The following KCNQ5 variants were observed in gnomAD, a reference collection of about 807,000 sequenced individuals.
KCNQ5 encodes the protein potassium voltage-gated channel subfamily KQT member 5.
A neutral mutation model predicts 98.2 loss-of-function variants in KCNQ5; 30 were observed. That is an observed-to-expected ratio of 0.31 (90% CI 0.23 to 0.41). The LOEUF (loss-of-function observed/expected upper bound fraction) is 0.41, where lower values mean the gene tolerates loss of function less well. Ranked by LOEUF, KCNQ5 falls within the 10% of genes least tolerant of loss-of-function variation. The probability of loss-of-function intolerance (pLI) is 1.00; values close to 1 mark genes in which losing one functional copy is unlikely to be tolerated. For synonymous variants in KCNQ5, 458 were observed against 449.4 expected (o/e 1.02, Z -0.24); for missense variants, 835 against 1,182.5 (o/e 0.71, Z 4.31).
chr6:72,955,038 T>G (rs1369299043), intron 1 of KCNQ5, among the ~76,000 whole-genome samples: 1 of 152,242 alleles, frequency 6.6e-6, no homozygotes, highest in Non-Finnish European at 1.5e-5. Context: ...AGAAGTCTCT[T>G]GGCAGAGTTC....
intron 3 of KCNQ5, among the ~76,000 whole-genome samples, chr6:73,063,156 G>T (rs1772857071): frequency 6.6e-6 from 1 of 152,144 alleles, no homozygotes; most frequent in Non-Finnish European, 1.5e-5. Context: ...AGATTCCTAA[G>T]TTGTAGTATC....
intron 1 of KCNQ5, among the ~76,000 whole-genome samples, chr6:72,851,290 G>C (rs1777244309): frequency 6.6e-6 from 1 of 152,102 alleles, no homozygotes; most frequent in South Asian, 2.1e-4. Context: ...GAAATTATTA[G>C]TTCAACGACA....
chr6:72,716,774 G>A (rs544083644), intron 1 of KCNQ5, among the ~76,000 whole-genome samples: 7 of 152,294 alleles, frequency 4.6e-5, no homozygotes, highest in Admixed American at 4.6e-4. Flanking sequence ...AGAAGATTGT[G>A]TTTTCACAAA....
At chr6:72,672,804 A>G (rs930480953) in intron 1 of KCNQ5, among the ~76,000 whole-genome samples, 1 of 152,350 alleles carries the variant, frequency 6.6e-6, no homozygotes, top group East Asian at 1.9e-4. Context: ...CTTTCATTTC[A>G]TAACTAAAGA....
intron 1 of KCNQ5, among the ~76,000 whole-genome samples, chr6:72,633,193 A>AT (rs1412866515): frequency 2.6e-5 from 4 of 152,070 alleles, no homozygotes; most frequent in Middle Eastern, 3.4e-3. Flanking sequence ...GATGATGAGC[A>AT]TTTTTTCATA....
intron 1 of KCNQ5, among the ~76,000 whole-genome samples, chr6:72,921,977 G>A (rs1780420176): frequency 6.6e-6 from 1 of 152,166 alleles, no homozygotes; most frequent in South Asian, 2.1e-4. Context: ...GTTAATGAAT[G>A]TTCCTCCAAA....
At chr6:72,794,088 C>T (rs1290708002) in intron 1 of KCNQ5, among the ~76,000 whole-genome samples, 1 of 152,130 alleles carries the variant, frequency 6.6e-6, no homozygotes, top group African/African-American at 2.4e-5. Context: ...TCATAAAATT[C>T]GAAGAAAATC....
At chr6:72,976,062 C>T (rs1011819867) in intron 1 of KCNQ5, among the ~76,000 whole-genome samples, 3 of 152,082 alleles carry the variant, frequency 2.0e-5, no homozygotes, top group Non-Finnish European at 2.9e-5. Flanking sequence ...TGCTGCATGA[C>T]CCAAGGTTAA....
intron 1 of KCNQ5, among the ~76,000 whole-genome samples, chr6:72,743,789 A>G (rs1771244451): frequency 6.6e-6 from 1 of 152,130 alleles, no homozygotes; most frequent in African/African-American, 2.4e-5. Flanking sequence ...TGTTTTTTGG[A>G]GTAGTATTAA....
chr6:73,139,006 G>C (rs1232314009), intron 10 of KCNQ5, among the ~76,000 whole-genome samples: 2 of 152,178 alleles, frequency 1.3e-5, no homozygotes, highest in African/African-American at 2.4e-5. Flanking sequence ...TCAGAGATAA[G>C]ACAGCTCTCC....
intron 1 of KCNQ5, among the ~76,000 whole-genome samples, chr6:72,726,777 TAGAG>T (rs1315177195): frequency 2.6e-5 from 4 of 152,192 alleles, no homozygotes; most frequent in African/African-American, 7.2e-5. Context: ...AGGAATAAAA[TAGAG>T]AGGATACAAA....
intron 1 of KCNQ5, among the ~76,000 whole-genome samples, chr6:72,988,931 T>A (rs1582148347): frequency 2.1e-5 from 1 of 48,320 alleles, no homozygotes; most frequent in East Asian, 5.6e-4. Flanking sequence ...TTGCGATAGT[T>A]TACTGAGAAT....
intron 1 of KCNQ5, among the ~76,000 whole-genome samples, chr6:72,789,213 A>G (rs1203104129): frequency 1.3e-5 from 2 of 152,062 alleles, no homozygotes; most frequent in Non-Finnish European, 2.9e-5. Context: ...GATGGAGGGC[A>G]GTGGCATAAA....
At chr6:72,760,248 G>A (rs9442846) in intron 1 of KCNQ5, among the ~76,000 whole-genome samples, 22,168 of 152,096 alleles carry the variant, frequency 0.15, 5,236 homozygotes, top group African/African-American at 0.49. Context: ...AGTTAGAAGA[G>A]CAGCATTAGC....
chr6:73,068,890 A>G (rs1263467217), intron 3 of KCNQ5, among the ~76,000 whole-genome samples: 1 of 152,248 alleles, frequency 6.6e-6, no homozygotes, highest in East Asian at 1.9e-4. Context: ...AATTCCTGAA[A>G]TAAGTTATTC....
chr6:72,677,114 T>C (rs1241743945), intron 1 of KCNQ5: 2 of 152,180 alleles, frequency 1.3e-5, no homozygotes, highest in Non-Finnish European at 2.9e-5. Flanking sequence ...CAAAACCGCA[T>C]GGCGTACTAC....
chr6:72,962,636 T>C (rs758461163), intron 1 of KCNQ5, among the ~76,000 whole-genome samples: 42 of 152,120 alleles, frequency 2.8e-4, no homozygotes, highest in Non-Finnish European at 5.3e-4. Flanking sequence ...TGAAGGTTGT[T>C]AGAGATGGAA....
intron 1 of KCNQ5, among the ~76,000 whole-genome samples, chr6:72,899,359 C>T (rs1779385307): frequency 6.6e-6 from 1 of 152,134 alleles, no homozygotes; most frequent in Admixed American, 6.6e-5. Flanking sequence ...TTCTTTTTCT[C>T]TCAAATATTG....
intron 1 of KCNQ5, among the ~76,000 whole-genome samples, chr6:72,769,468 G>T (rs968492703): frequency 4.6e-5 from 7 of 151,692 alleles, no homozygotes; most frequent in Non-Finnish European, 8.8e-5. Flanking sequence ...ATAAAATATC[G>T]ATGTCTAAGC....
Sources: allele counts gnomAD v4.1 joint callset (sites outside exome capture counted in the v4.1 genomes callset), GRCh38; gene constraint gnomAD v4.1.1; transcripts MANE v1.5; gene names NCBI Gene and HGNC (gene_info 2026-07-23, HGNC 2026-07-21).